The following PLA2G2D variants were observed in gnomAD, a reference collection of about 807,000 sequenced individuals.
PLA2G2D encodes phospholipase A2 group IID.
Under a neutral mutation model 13.9 loss-of-function variants are expected in PLA2G2D, and 17 were observed. That is an observed-to-expected ratio of 1.23 (90% CI 0.84 to 1.84). PLA2G2D has a LOEUF of 1.84. PLA2G2D is among the 40% of genes most tolerant of loss of function. The pLI, the probability that PLA2G2D is intolerant of heterozygous loss-of-function variation, is 0.00. For synonymous variants in PLA2G2D, 83 were observed against 69.3 expected, an observed-to-expected ratio of 1.20 and a Z score of -0.98; for missense variants, 194 against 178.7, an observed-to-expected ratio of 1.09 and a Z score of -0.49.
chr1:20,116,770 C>G (rs764512588), intron 1 of PLA2G2D, among the ~76,000 whole-genome samples: 5 of 152,062 alleles, frequency 3.3e-5, no homozygotes, highest in Non-Finnish European at 4.4e-5. Flanking sequence ...TGCTTGAACA[C>G]AGGAGTTTGA....
At chr1:20,115,685 A>T in intron 2 of PLA2G2D, 72 bp from the exon 3 acceptor site, 1 of 943,362 alleles carries the variant, frequency 1.1e-6, no homozygotes, top group Non-Finnish European at 1.7e-6. Flanking sequence ...CCCCTACTGG[A>T]GAAGAACCCG....
At position 20,113,866 on chromosome 1, in the gene PLA2G2D, C is replaced by T. The variant is rs2016932046; in HGVS notation, c.*248G>A. On this transcript the variant is annotated 3_prime_UTR_variant, in exon 4 of 4. Coordinates refer to ENST00000375105, the MANE Select transcript of PLA2G2D (RefSeq NM_012400.4). Reference sequence around the variant, plus strand: ...CACCCCGATGCTTTGGTCCAAACACCACCTCTGAGGGCTCCCTTGCTTGGG... The same window carrying T: ...CACCCCGATGCTTTGGTCCAAACACTACCTCTGAGGGCTCCCTTGCTTGGG... The T allele has an allele frequency of 2.3e-6, 1 of 429,686 alleles. No homozygotes were observed. Among genetic ancestry groups the T allele is most frequent in the Non-Finnish European group, 4.2e-6 (1 of 240,178 alleles). 26.6% of individuals were successfully genotyped at this position (429,686 alleles called of 1,614,324 possible).
intron 3 of PLA2G2D, 139 bp downstream of exon 3, chr1:20,115,368 C>A: frequency 1.5e-6 from 1 of 660,070 alleles, no homozygotes. Context: ...CCATTCTTGC[C>A]TCTTCACAGC....
Position 20,116,459 on chromosome 1 carries a change from C to G in PLA2G2D, c.59G>C (p.Gly20Ala). 6.2e-7 allele frequency: 1 copy of G among 1,614,094 alleles called. No individual in the cohort carries two copies. The highest frequency in any genetic ancestry group is 8.5e-7 in the Non-Finnish European group (1 of 1,180,032). ...VVMAGVIPIQGGILNLNKMVK... is the reference protein window; with the variant it reads ...VVMAGVIPIQAGILNLNKMVK... The stretch of plus-strand genomic sequence containing the variant: ...CATCTTGTTCAGGTTCAGGATCCCG[C>G]CCTGGATTGGAATCACACCTGCCAA... Residue 20 changes from glycine (G) to alanine (A), a missense_variant, in exon 2 of 4, where the codon GGC (glycine) becomes GCC (alanine). Transcript: ENST00000375105.
intron 2 of PLA2G2D, 51 bp downstream of exon 2, chr1:20,116,282 G>A (rs369048646): frequency 6.4e-7 from 1 of 1,565,282 alleles, no homozygotes; most frequent in Non-Finnish European, 8.8e-7. Flanking sequence ...GAAAAGAAGA[G>A]TACCGTAGTC....
chr1:20,114,067 G>T lies in PLA2G2D; in HGVS notation c.*47C>A. On this transcript the variant is annotated 3_prime_UTR_variant, in exon 4 of 4. Coordinates refer to ENST00000375105, the MANE Select transcript of PLA2G2D (RefSeq NM_012400.4). The stretch of plus-strand genomic sequence containing the variant: ...TGGTTCAGGTTAGATACTGAGGTGG[G>T]GATGCCAGAGCTCCATGCTGAGGAA... 6.3e-7 allele frequency: 1 copy of T among 1,576,436 alleles called. No homozygotes were observed. Among genetic ancestry groups the T allele is most frequent in the South Asian group, 1.1e-5 (1 of 87,566 alleles).
intron 3 of PLA2G2D, among the ~76,000 whole-genome samples, chr1:20,115,188 T>C (rs2016959566): frequency 1.3e-5 from 2 of 152,216 alleles, no homozygotes; most frequent in Non-Finnish European, 2.9e-5. Context: ...AGGCCCATTC[T>C]GTCTGTCTCA....
intron 1 of PLA2G2D, among the ~76,000 whole-genome samples, chr1:20,117,558 A>C (rs940112961): frequency 6.6e-6 from 1 of 152,202 alleles, no homozygotes; most frequent in African/African-American, 2.4e-5. Context: ...AGAGGAATGC[A>C]TTATGTTGAG....
chr1:20,119,115 C>T (rs918327945), intron 1 of PLA2G2D, among the ~76,000 whole-genome samples: 3 of 152,176 alleles, frequency 2.0e-5, no homozygotes, highest in South Asian at 2.1e-4. Flanking sequence ...TGCATTCGTA[C>T]GGGTTGCTCC....
At chr1:20,114,360 G>T (rs1318781157) in intron 3 of PLA2G2D, 101 bp from the exon 4 acceptor site, 4 of 1,263,430 alleles carry the variant, frequency 3.2e-6, no homozygotes, top group Non-Finnish European at 3.3e-6. Flanking sequence ...CTACTCAGTC[G>T]TAGAGGTACC....
At position 20,115,622 on chromosome 1, in the gene PLA2G2D, G is replaced by C. The variant is rs770875948; in HGVS notation, c.186-9C>G. On this transcript the variant is annotated splice_polypyrimidine_tract_variant and intron_variant, in intron 2 of 3. Transcript: ENST00000375105. ...CATGGGTCTGGCAGCACCTGGAGCAGACAGGGTGCACAGCTGCATGGGTCC... is the reference window on the plus strand; with the variant it reads ...CATGGGTCTGGCAGCACCTGGAGCACACAGGGTGCACAGCTGCATGGGTCC... The C allele has an allele frequency of 2.2e-5, 35 of 1,570,420 alleles. No individual in the cohort carries two copies. The highest frequency in any genetic ancestry group is 3.0e-5 in the Non-Finnish European group (34 of 1,140,702).
intron 2 of PLA2G2D, among the ~76,000 whole-genome samples, chr1:20,116,085 TG>T (rs1486863589): frequency 1.2e-4 from 19 of 152,080 alleles, no homozygotes; most frequent in African/African-American, 4.3e-4. Flanking sequence ...GGAGTGAATG[TG>T]GGCATTGTCA....
At chr1:20,116,568 A>ACCAAATGAG (rs2016995934) in intron 1 of PLA2G2D, 91 bp from the exon 2 acceptor site, 1 of 1,137,190 alleles carries the variant, frequency 8.8e-7, no homozygotes, top group Non-Finnish European at 1.3e-6. Context: ...CTCTGCCCAG[A>ACCAAATGAG]CCAAATGAGT....
chr1:20,115,405 A>C, intron 3 of PLA2G2D, 102 bp downstream of exon 3: 2 of 755,716 alleles, frequency 2.6e-6, no homozygotes, highest in Non-Finnish European at 2.4e-6. Context: ...GACCCATGCA[A>C]AAAAAAAACA....
In PLA2G2D at chr1:20,113,536, G is replaced by A. The variant is rs2016926690; in HGVS notation, c.*578C>T. 6.6e-6 allele frequency: 1 copy of A among 152,156 alleles called. No individual in the cohort carries two copies. The highest frequency in any genetic ancestry group is 2.4e-5 in the African/African-American group (1 of 41,412). The allele number at this position is 152,156 out of a possible 1,614,324, so 9.4% of individuals were successfully genotyped here. ...TATGGAGCTCCTTCTTGGTTCTGGT[G>A]TTGCTTTGGGCACCAGGGATGCAAC... On this transcript the variant is annotated 3_prime_UTR_variant, in exon 4 of 4. Transcript: ENST00000375105.
rs748302186 is a variant in PLA2G2D at position 20,114,262 on chromosome 1, G to A, written c.293-3C>T. 49 of 1,612,686 alleles carry A rather than the reference G, an allele frequency of 3.0e-5. No individual in the cohort carries two copies. The East Asian group carries it at 9.8e-4, about 32-fold the overall frequency. On this transcript the variant is annotated splice_polypyrimidine_tract_variant and splice_region_variant and intron_variant, in intron 3 of 3. Coordinates refer to ENST00000375105, the MANE Select transcript of PLA2G2D (RefSeq NM_012400.4). ...CTCACACCAGCTTCCCTTGTCAGCTGTGGACGGAGAAGGGGGAGCTATGTG... is the reference window on the plus strand; with the variant it reads ...CTCACACCAGCTTCCCTTGTCAGCTATGGACGGAGAAGGGGGAGCTATGTG...
Position 20,112,041 on chromosome 1 carries a change from A to G in PLA2G2D, c.*2073T>C, listed in dbSNP as rs1030199882. 9.9e-5 allele frequency: 15 copies of G among 151,504 alleles called. No homozygotes were observed. Among genetic ancestry groups the G allele is most frequent in the African/African-American group, 3.4e-4 (14 of 41,256 alleles). The allele number at this position is 151,504 out of a possible 1,614,324, so 9.4% of individuals were successfully genotyped here. ...GAGTGCAGTGTCGCGATCTGGGCTC[A>G]CTGAAACCTCTGCCTCCCAGGTCCA... On this transcript the variant is annotated 3_prime_UTR_variant, in exon 4 of 4. Transcript: ENST00000375105.
rs1319565335 is a variant in PLA2G2D at position 20,115,488 on chromosome 1, C to G, written c.292+19G>C. On this transcript the variant is annotated intron_variant, in intron 3 of 3. Transcript: ENST00000375105. ...CTTCCTGGGGTCTCCAGCTCCTGCCCTGAGGTCTGCGTACTCACAGCAGTG... is the reference window on the plus strand; with the variant it reads ...CTTCCTGGGGTCTCCAGCTCCTGCCGTGAGGTCTGCGTACTCACAGCAGTG... 1 of 1,399,028 alleles carries G rather than the reference C, an allele frequency of 7.1e-7. No individual in the cohort carries two copies. The highest frequency in any genetic ancestry group is 1.0e-6 in the Non-Finnish European group (1 of 985,136). 86.7% of individuals were successfully genotyped at this position (1,399,028 alleles called of 1,614,324 possible).
At chr1:20,115,930 G>A (rs1018891031) in intron 2 of PLA2G2D, among the ~76,000 whole-genome samples, 1 of 152,208 alleles carries the variant, frequency 6.6e-6, no homozygotes, top group Non-Finnish European at 1.5e-5. Context: ...CAGCCTGTAA[G>A]TGGCAGATCG....
Sources: allele counts gnomAD v4.1 joint callset (sites outside exome capture counted in the v4.1 genomes callset), GRCh38; gene constraint gnomAD v4.1.1; transcripts MANE v1.5; gene names NCBI Gene and HGNC (gene_info 2026-07-23, HGNC 2026-07-21).